NRG4: variants seen among roughly 807,000 people sequenced by gnomAD.
The protein encoded by NRG4 is neuregulin 4, also known as pro-neuregulin-4, membrane-bound isoform.
NRG4 carries 10 observed loss-of-function variants against 15.0 expected under a neutral mutation model. The ratio of observed to expected loss-of-function variants is 0.67; its 90% confidence interval spans 0.41 to 1.13. NRG4 has a LOEUF of 1.13. Among genes scored for constraint, NRG4 ranks in the 50% most tolerant of loss-of-function variants. The pLI, the probability that NRG4 is intolerant of heterozygous loss-of-function variation, is 0.00. For synonymous variants in NRG4, 41 were observed against 50.1 expected, an observed-to-expected ratio of 0.82 and a Z score of 0.77; for missense variants, 139 against 140.2, an observed-to-expected ratio of 0.99 and a Z score of 0.04.
At chr15:76,009,396 A>C in intron 2 of NRG4, 103 bp from the exon 3 acceptor site, 2 of 552,288 alleles carry the variant, frequency 3.6e-6, no homozygotes, top group Non-Finnish European at 6.4e-6. Flanking sequence ...CAATTCTGAA[A>C]ATCAGAATGA....
intron 3 of NRG4, among the ~76,000 whole-genome samples, chr15:75,964,685 C>A (rs943525492): frequency 6.6e-6 from 1 of 151,466 alleles, no homozygotes; most frequent in Non-Finnish European, 1.5e-5. Flanking sequence ...CAGCACTTTG[C>A]GAGGCTGAGG....
intron 3 of NRG4, among the ~76,000 whole-genome samples, chr15:76,008,712 T>C (rs376284748): frequency 7.9e-5 from 12 of 152,302 alleles, no homozygotes; most frequent in Admixed American, 2.6e-4. Flanking sequence ...ACCCTTCTTT[T>C]TTATTTGCTA....
chr15:75,972,390 A>G (rs1013557612), intron 3 of NRG4, among the ~76,000 whole-genome samples: 1 of 152,022 alleles, frequency 6.6e-6, no homozygotes, highest in Non-Finnish European at 1.5e-5. Flanking sequence ...CCCATTTGTC[A>G]ATTTTGGCTT....
At chr15:76,057,181 A>AT (rs1596071558) in intron 1 of NRG4, 1 of 151,522 alleles carries the variant, frequency 6.6e-6, no homozygotes, top group Non-Finnish European at 1.5e-5. Flanking sequence ...TAGCTCTAGG[A>AT]TTCCCCCACC....
chr15:76,025,736 G>A (rs989492070), intron 5 of NRG4, among the ~76,000 whole-genome samples: 1 of 152,010 alleles, frequency 6.6e-6, no homozygotes, highest in Admixed American at 6.6e-5. Flanking sequence ...AATTAGCTTG[G>A]CATACTGGTG....
chr15:76,021,940 C>T (rs550662463), intron 5 of NRG4, among the ~76,000 whole-genome samples: 15 of 152,304 alleles, frequency 9.8e-5, no homozygotes, highest in Admixed American at 2.0e-4. Context: ...TGAAATTATT[C>T]TACCTCAGGT....
chr15:76,036,136 T>A (rs2035592188), intron 4 of NRG4: 1 of 152,228 alleles, frequency 6.6e-6, no homozygotes, highest in South Asian at 2.1e-4. Flanking sequence ...GGGGCACTAC[T>A]GATCAGATTA....
At chr15:75,944,653 C>T (rs1424642434) in intron 5 of NRG4, among the ~76,000 whole-genome samples, 1 of 152,162 alleles carries the variant, frequency 6.6e-6, no homozygotes, top group East Asian at 1.9e-4. Flanking sequence ...ATAATATGAG[C>T]TAACATTATT....
intron 5 of NRG4, among the ~76,000 whole-genome samples, chr15:75,952,716 T>G (rs544829468): frequency 2.2e-4 from 34 of 151,996 alleles, no homozygotes; most frequent in Admixed American, 2.2e-3. Context: ...GCCACCACAC[T>G]TGGTTTCATT....
At chr15:76,003,597 T>A (rs1176827623) in intron 3 of NRG4, among the ~76,000 whole-genome samples, 1 of 152,122 alleles carries the variant, frequency 6.6e-6, no homozygotes, top group Non-Finnish European at 1.5e-5. Flanking sequence ...GTTAATGAAC[T>A]CCAAGTAAGA....
At chr15:76,015,029 G>A (rs1330535592), upstream of NRG4, among the ~76,000 whole-genome samples, 1 of 152,136 alleles carries the variant, frequency 6.6e-6, no homozygotes, top group South Asian at 2.1e-4. Flanking sequence ...CTGAGCAGTG[G>A]TTTGTAGTTC....
In NRG4 at chr15:75,956,306, A is replaced by G. The variant is rs368878376; in HGVS notation, c.252-295T>C. Among the ~76,000 whole-genome samples, 18 of 152,296 alleles carry G rather than the reference A, an allele frequency of 1.2e-4. No homozygotes were observed. In the South Asian group the frequency reaches 2.9e-3, roughly 25 times the overall value. On this transcript the variant is annotated intron_variant, in intron 4 of 5. Transcript: ENST00000394907. Reference sequence around the variant, plus strand: ...CACCTGGTCTTTTTCCTTTAAGACAACAGCAAACCTGTTGTATCTTAATGT... The same window carrying G: ...CACCTGGTCTTTTTCCTTTAAGACAGCAGCAAACCTGTTGTATCTTAATGT...
chr15:76,023,667 C>G (rs2035227280), intron 5 of NRG4, among the ~76,000 whole-genome samples: 1 of 152,192 alleles, frequency 6.6e-6, no homozygotes, highest in Admixed American at 6.5e-5. Context: ...TACTCTGGGA[C>G]CAGTAGCCAT....
downstream of NRG4, chr15:75,938,480 A>ATACTT (rs1204324749): frequency 5.3e-5 from 8 of 152,242 alleles, no homozygotes; most frequent in African/African-American, 1.7e-4. Context: ...AACTAGACAT[A>ATACTT]TACTTTAACT....
intron 5 of NRG4, among the ~76,000 whole-genome samples, chr15:75,946,068 G>A (rs894021169): frequency 6.6e-6 from 1 of 152,212 alleles, no homozygotes; most frequent in Non-Finnish European, 1.5e-5. Context: ...CTCTGATAAT[G>A]AGATGGCTAC....
At chr15:76,044,305 T>C (rs1208513052) in intron 4 of NRG4, among the ~76,000 whole-genome samples, 1 of 145,396 alleles carries the variant, frequency 6.9e-6, no homozygotes, top group Non-Finnish European at 1.5e-5. Context: ...CCCGGCCACA[T>C]GAACTCATTT....
chr15:75,994,237 C>T (rs1476646427), intron 3 of NRG4, among the ~76,000 whole-genome samples: 2 of 152,154 alleles, frequency 1.3e-5, no homozygotes, highest in African/African-American at 2.4e-5. Flanking sequence ...CTTAGCCTTA[C>T]CTGGGCTATC....
At chr15:75,993,769 G>C (rs2034115568) in intron 3 of NRG4, among the ~76,000 whole-genome samples, 1 of 151,280 alleles carries the variant, frequency 6.6e-6, no homozygotes, top group South Asian at 2.1e-4. Flanking sequence ...TCTTTCTTCT[G>C]TTTCCAATCC....
intron 3 of NRG4, chr15:76,005,810 C>A: frequency 4.7e-6 from 2 of 421,848 alleles, no homozygotes; most frequent in Non-Finnish European, 9.5e-6. Context: ...TTCGTGTAGA[C>A]TGAGGAGGAG....
Sources: allele counts gnomAD v4.1 joint callset (sites outside exome capture counted in the v4.1 genomes callset), GRCh38; gene constraint gnomAD v4.1.1; transcripts MANE v1.5; gene names NCBI Gene and HGNC (gene_info 2026-07-23, HGNC 2026-07-21).